Variants in SNX13 observed in about 807,000 individuals in gnomAD.
SNX13 encodes the protein sorting nexin 13.
A neutral mutation model predicts 133.6 loss-of-function variants in SNX13; 45 were observed. The observed-to-expected ratio is 0.34, with a 90% CI of 0.27 to 0.43. The LOEUF (loss-of-function observed/expected upper bound fraction) is 0.43, where lower values mean the gene tolerates loss of function less well. Ranked by LOEUF, SNX13 falls within the 20% of genes least tolerant of loss-of-function variation. SNX13 has a pLI of 1.00. For missense variants in SNX13, 1,032 were observed against 1,145.1 expected (o/e 0.90, Z 1.43); for synonymous variants, 414 against 373.9 (o/e 1.11, Z -1.24).
intron 16 of SNX13, among the ~76,000 whole-genome samples, chr7:17,827,878 G>A (rs1382163617): frequency 1.3e-5 from 2 of 151,736 alleles, no homozygotes; most frequent in Admixed American, 1.3e-4. Flanking sequence ...AGACTCAGAG[G>A]AAATGGAACA....
rs373965041 is a variant in SNX13, at chr7:17,800,787, C to G, written c.2298+801G>C. 1.7e-3 allele frequency among the ~76,000 whole-genome samples: 258 copies of G among 151,348 alleles called. 3 individuals are homozygous for G. In the Middle Eastern group the frequency reaches 0.02, roughly 12 times the overall value. On this transcript the variant is annotated intron_variant, in intron 22 of 25. Transcript: ENST00000428135. ...TGACAGACGCATAAGACAGAACATT[C>G]AAATGGCCAATAAACATATAAAAAG...
At chr7:17,831,963 C>A in intron 15 of SNX13, 1 of 983,804 alleles carries the variant, frequency 1.0e-6, no homozygotes, top group Non-Finnish European at 1.2e-6. Context: ...ACTCCATATA[C>A]TTTTTTTGAA....
chr7:17,845,487 T>C (rs1790407338), intron 12 of SNX13, 108 bp downstream of exon 12: 1 of 687,550 alleles, frequency 1.5e-6, no homozygotes, highest in Non-Finnish European at 2.4e-6. Flanking sequence ...ATCACTGAAC[T>C]ATACACTTAA....
At chr7:17,806,058 G>A (rs116777120) in intron 20 of SNX13, among the ~76,000 whole-genome samples, 498 of 152,236 alleles carry the variant, frequency 3.3e-3, no homozygotes, top group African/African-American at 0.011. Flanking sequence ...AGGAGATTAC[G>A]GATTGCCAGC....
chr7:17,791,881 A>C lies in SNX13; in HGVS notation c.*2164T>G, dbSNP rs947870904. On this transcript the variant is annotated 3_prime_UTR_variant, in exon 26 of 26. Transcript: ENST00000428135. ...AGAAGGTGCACCACCATTTACAAAG[A>C]CTATCATTTGACATTTTCTGCTTCT... 2.0e-5 allele frequency: 3 copies of C among 152,088 alleles called. No individual in the cohort carries two copies. Among genetic ancestry groups the C allele is most frequent in the African/African-American group, 7.2e-5 (3 of 41,458 alleles). The allele number at this position is 152,088 out of a possible 1,614,324, so 9.4% of individuals were successfully genotyped here. A position where few individuals can be genotyped will look rare whatever the true frequency, so the allele number is the denominator to read the frequency against.
At chr7:17,805,265 G>T (rs571986842) in intron 20 of SNX13, among the ~76,000 whole-genome samples, 3 of 146,004 alleles carry the variant, frequency 2.1e-5, no homozygotes, top group Admixed American at 6.8e-5. Flanking sequence ...GCGCGCGCGC[G>T]CATGCATGCA....
intron 12 of SNX13, 94 bp downstream of exon 12, chr7:17,845,499 AAT>A: frequency 1.3e-6 from 1 of 749,260 alleles, no homozygotes; most frequent in Non-Finnish European, 2.2e-6. Flanking sequence ...TACACTTAAA[AAT>A]AGTTGAGATA....
chr7:17,920,699 G>C (rs1339766385), intron 1 of SNX13, among the ~76,000 whole-genome samples: 1 of 152,144 alleles, frequency 6.6e-6, no homozygotes, highest in African/African-American at 2.4e-5. Flanking sequence ...ATCTAAGTAA[G>C]AGGGTTCTTT....
At chr7:17,895,618 C>G (rs772071569) in intron 2 of SNX13, among the ~76,000 whole-genome samples, 1 of 152,094 alleles carries the variant, frequency 6.6e-6, no homozygotes, top group East Asian at 1.9e-4. Flanking sequence ...CAAATTTTTA[C>G]AGAACTTTGT....
chr7:17,833,224 G>A (rs1168171647), intron 15 of SNX13, among the ~76,000 whole-genome samples: 2 of 151,582 alleles, frequency 1.3e-5, no homozygotes, highest in Non-Finnish European at 3.0e-5. Context: ...TAAGAATTTG[G>A]AAGCTTGTGT....
chr7:17,864,003 T>C (rs772912152), intron 9 of SNX13, among the ~76,000 whole-genome samples: 10 of 152,198 alleles, frequency 6.6e-5, no homozygotes, highest in Non-Finnish European at 1.2e-4. Flanking sequence ...ATAGTGACCA[T>C]AGGCTTAGGT....
chr7:17,805,254 T>TGCGTGCGCGCGCGTGCGC (rs1554304326), intron 20 of SNX13, among the ~76,000 whole-genome samples: 3 of 132,440 alleles, frequency 2.3e-5, no homozygotes, highest in Non-Finnish European at 4.9e-5. Flanking sequence ...TGTGTGTGCG[T>TGCGTGCGCGCGCGTGCGC]GCGCGCGCGC....
At chr7:17,879,489 T>A (rs990824728) in intron 5 of SNX13, 4 of 152,272 alleles carry the variant, frequency 2.6e-5, no homozygotes, top group African/African-American at 9.6e-5. Context: ...GAGCACTGTT[T>A]ACAATGGGTG....
At chr7:17,829,402 C>T (rs1411337049) in intron 16 of SNX13, among the ~76,000 whole-genome samples, 1 of 151,424 alleles carries the variant, frequency 6.6e-6, no homozygotes, top group Non-Finnish European at 1.5e-5. Context: ...TTATTTTACA[C>T]TGTACCTTGA....
chr7:17,926,374 G>C (rs1800759847), intron 1 of SNX13, among the ~76,000 whole-genome samples: 1 of 151,884 alleles, frequency 6.6e-6, no homozygotes, highest in Admixed American at 6.6e-5. Flanking sequence ...CTTAAAAAAA[G>C]GTAAATTGTT....
chr7:17,920,202 C>T (rs182273911), intron 1 of SNX13, among the ~76,000 whole-genome samples: 37 of 152,182 alleles, frequency 2.4e-4, no homozygotes, highest in African/African-American at 3.4e-4. Context: ...ATATCTATTT[C>T]GCTTAGTAAA....
In SNX13 at chr7:17,888,892, G is replaced by A. The variant is rs935898487; in HGVS notation, c.440+1471C>T. 1.3e-5 allele frequency: 4 copies of A among 296,900 alleles called. No individual in the cohort carries two copies. In the Admixed American group the frequency reaches 1.9e-4, roughly 14 times the overall value. 18.4% of individuals were successfully genotyped at this position (296,900 alleles called of 1,614,324 possible). ...ACACTTGCTCACAGTCCCATAGCTA[G>A]AGGTGGAGCTAGAATGCAAACTCAA... On this transcript the variant is annotated intron_variant, in intron 5 of 25. Transcript: ENST00000428135.
chr7:17,812,197 C>G (rs1487796012), intron 20 of SNX13, among the ~76,000 whole-genome samples: 1 of 152,084 alleles, frequency 6.6e-6, no homozygotes, highest in Non-Finnish European at 1.5e-5. Context: ...AAACTACCAT[C>G]AGCATAAACT....
intron 1 of SNX13, among the ~76,000 whole-genome samples, chr7:17,938,894 T>C (rs560804102): frequency 2.0e-5 from 3 of 152,332 alleles, no homozygotes; most frequent in African/African-American, 7.2e-5. Flanking sequence ...CTGCTACTTA[T>C]AACTCTTTTT....
Sources: gnomAD v4.1 joint callset for allele counts (sites outside exome capture counted in the v4.1 genomes callset) on GRCh38, gnomAD v4.1.1 for gene constraint, MANE v1.5 for transcripts, NCBI Gene and HGNC (gene_info 2026-07-23, HGNC 2026-07-21) for gene names.